The following MTM1 variants were observed in gnomAD, a reference collection of about 807,000 sequenced individuals.
The protein encoded by MTM1 is myotubularin 1.
MTM1 carries 9 observed loss-of-function variants against 52.1 expected under a neutral mutation model. That is an observed-to-expected ratio of 0.17 (90% CI 0.10 to 0.30). MTM1 has a LOEUF of 0.30. Among genes scored for constraint, MTM1 ranks in the 10% least tolerant of loss-of-function variants. MTM1 has a pLI of 1.00. For synonymous variants in MTM1, 136 were observed against 163.8 expected (o/e 0.83, Z 1.29); for missense variants, 277 against 470.7 (o/e 0.59, Z 3.81).
At chrX:150,600,882 A>G (rs2039056502) in intron 4 of MTM1, among the ~76,000 whole-genome samples, 1 of 111,817 alleles carries the variant, frequency 8.9e-6, no homozygotes. Flanking sequence ...GTCACTGATG[A>G]TGAACTGGGG....
At chrX:150,651,518 G>A (rs1474809839) in intron 10 of MTM1, among the ~76,000 whole-genome samples, 6 of 100,548 alleles carry the variant, frequency 6.0e-5, no homozygotes, top group Non-Finnish European at 1.2e-4. Flanking sequence ...CAATTCATTG[G>A]TGAGGATGAC....
rs2039354978 is a variant in MTM1, at chrX:150,614,897, A to T, written c.342+198A>T. Among the ~76,000 whole-genome samples, 3 of 111,578 alleles carry T rather than the reference A, an allele frequency of 2.7e-5. No individual in the cohort carries two copies. In the South Asian group the frequency reaches 1.1e-3, roughly 43 times the overall value. On this transcript the variant is annotated intron_variant, in intron 5 of 14. Coordinates refer to ENST00000370396, the MANE Select transcript of MTM1 (RefSeq NM_000252.3). Reference sequence around the variant, plus strand: ...CCCACGTGAGGGACCCACTGCAATCACCAAATACAAGGACTCGAGGAACTG... The same window carrying T: ...CCCACGTGAGGGACCCACTGCAATCTCCAAATACAAGGACTCGAGGAACTG...
chrX:150,636,792 C>A (rs782223355), intron 6 of MTM1, among the ~76,000 whole-genome samples: 1 of 112,074 alleles, frequency 8.9e-6, no homozygotes, highest in Admixed American at 9.4e-5. Flanking sequence ...CAAGTACTGA[C>A]CAGCGCAGTA....
At chrX:150,630,340 C>G (rs1040747577) in intron 6 of MTM1, among the ~76,000 whole-genome samples, 1 of 111,743 alleles carries the variant, frequency 8.9e-6, no homozygotes, top group Non-Finnish European at 1.9e-5. Context: ...GTGATCTGCC[C>G]TCCTCAGCCT....
intron 10 of MTM1, among the ~76,000 whole-genome samples, chrX:150,653,346 T>C (rs1025045883): frequency 1.3e-4 from 15 of 111,793 alleles, no homozygotes; most frequent in Admixed American, 1.3e-3. Context: ...TGCCTTCCCC[T>C]CTTCTGTCTG....
intron 4 of MTM1, 96 bp downstream of exon 4, chrX:150,598,782 T>C: frequency 1.7e-6 from 1 of 586,004 alleles, no homozygotes; most frequent in Admixed American, 3.1e-5. Context: ...GTGGGTCAAA[T>C]TAACATGGGG....
intron 1 of MTM1, among the ~76,000 whole-genome samples, chrX:150,583,229 TTATA>T (rs1198427631): frequency 1.5e-5 from 1 of 68,745 alleles, no homozygotes; most frequent in African/African-American, 6.2e-5. Flanking sequence ...ATTATATAAA[TTATA>T]TATAAATTAT....
chrX:150,644,641 A>G (rs5925398), intron 8 of MTM1, among the ~76,000 whole-genome samples: 31,211 of 110,451 alleles, frequency 0.28, 3,320 homozygotes, highest in South Asian at 0.48. Flanking sequence ...TGCATTTTGT[A>G]GTTTTTGCTA....
At chrX:150,596,900 CAAT>C (rs782264268) in intron 3 of MTM1, 219 of 200,891 alleles carry the variant, frequency 1.1e-3, no homozygotes, top group Non-Finnish European at 1.8e-3. Context: ...GATTTCCAGT[CAAT>C]GATGCATGCT....
chrX:150,666,827 A>T (rs1205909989), intron 14 of MTM1, among the ~76,000 whole-genome samples: 2 of 111,459 alleles, frequency 1.8e-5, no homozygotes, highest in Non-Finnish European at 3.8e-5. Context: ...CGCCCTGGTC[A>T]GGAACCTTAG....
intron 5 of MTM1, among the ~76,000 whole-genome samples, chrX:150,615,945 T>C (rs1444373845): frequency 9.0e-6 from 1 of 111,305 alleles, no homozygotes; most frequent in African/African-American, 3.3e-5. Flanking sequence ...GGAATTTACT[T>C]TGAAGGAAGA....
At chrX:150,563,506 G>A (rs1448933467), upstream of MTM1, among the ~76,000 whole-genome samples, 6 of 104,369 alleles carry the variant, frequency 5.7e-5, no homozygotes, top group African/African-American at 2.1e-4. Context: ...GTAGAGACGG[G>A]GTTTCACCAC....
At chrX:150,575,342 G>C (rs1266355284) in intron 1 of MTM1, among the ~76,000 whole-genome samples, 2 of 112,280 alleles carry the variant, frequency 1.8e-5, no homozygotes, top group Non-Finnish European at 3.8e-5. Context: ...ACAGATATTC[G>C]AACTTAATTG....
At chrX:150,647,221 A>ATATATATATATATATATATATG (rs373023705) in intron 9 of MTM1, among the ~76,000 whole-genome samples, 41 of 101,601 alleles carry the variant, frequency 4.0e-4, no homozygotes, top group African/African-American at 1.5e-3. Flanking sequence ...ATATATATAT[A>ATATATATATATATATATATATG]GCAATATTTT....
At chrX:150,629,862 G>A (rs1262191144) in intron 6 of MTM1, among the ~76,000 whole-genome samples, 1 of 110,922 alleles carries the variant, frequency 9.0e-6, no homozygotes, top group Non-Finnish European at 1.9e-5. Flanking sequence ...CCCAGTGATA[G>A]TTTAGGCCTA....
chrX:150,635,676 A>G (rs898109751), intron 6 of MTM1, among the ~76,000 whole-genome samples: 11 of 111,940 alleles, frequency 9.8e-5, no homozygotes, highest in African/African-American at 3.6e-4. Context: ...CTGAGAGCCT[A>G]TATTCTCTTA....
intron 1 of MTM1, among the ~76,000 whole-genome samples, chrX:150,583,437 A>T (rs185156714): frequency 0.031 from 745 of 24,213 alleles, 83 homozygotes; most frequent in African/African-American, 0.17. Flanking sequence ...TAAATATATA[A>T]AAATTATATA....
chrX:150,589,184 A>G (rs1363766815), intron 1 of MTM1, among the ~76,000 whole-genome samples: 1 of 111,014 alleles, frequency 9.0e-6, no homozygotes, highest in Non-Finnish European at 1.9e-5. Flanking sequence ...GACCACTTAG[A>G]AGCACTTTTC....
intron 6 of MTM1, among the ~76,000 whole-genome samples, chrX:150,623,569 ATTT>A (rs2039517404): frequency 1.8e-5 from 2 of 110,868 alleles, no homozygotes; most frequent in African/African-American, 6.6e-5. Flanking sequence ...AAATGAATAT[ATTT>A]GTGGAAAGAA....
Sources: allele counts gnomAD v4.1 joint callset (sites outside exome capture counted in the v4.1 genomes callset), GRCh38; gene constraint gnomAD v4.1.1; transcripts MANE v1.5; gene names NCBI Gene and HGNC (gene_info 2026-07-23, HGNC 2026-07-21).